The following GPC2 variants were observed in gnomAD, a reference collection of about 807,000 sequenced individuals.
GPC2 encodes the protein glypican 2, also known as glypican-2.
A neutral mutation model predicts 57.3 loss-of-function variants in GPC2; 42 were observed. The ratio of observed to expected loss-of-function variants is 0.73; its 90% CI spans 0.57 to 0.95. The LOEUF (loss-of-function observed/expected upper bound fraction) is 0.95, where lower values mean the gene tolerates loss of function less well. Ranked by LOEUF, GPC2 falls within the 40% of genes least tolerant of loss-of-function variation. The probability of loss-of-function intolerance (pLI) is 0.00; values close to 1 mark genes in which losing one functional copy is unlikely to be tolerated. For missense variants in GPC2, 745 were observed against 793.6 expected, an observed-to-expected ratio of 0.94 and a Z score of 0.74; for synonymous variants, 364 against 343.4, an observed-to-expected ratio of 1.06 and a Z score of -0.66.
chr7:100,173,961 G>A lies in GPC2; in HGVS notation c.766C>T (p.Arg256Cys). Residue 256 changes from arginine (R) to cysteine (C), a missense_variant, in exon 5 of 10, where the codon CGT becomes TGT. Around this residue, in one of 2 missense-constraint regions of GPC2, gnomAD observed 607 missense variants for 603.9 expected, o/e 1.01. Transcript: ENST00000292377. ...VSEGCSQALM[R>C]LIGCPLCRGV... ...CGGCACAGGGGACAGCCGATGAGAC[G>A]CATCAGAGCCTGGCTGCAGCCTTCA... 1.9e-6 allele frequency: 3 copies of A among 1,596,870 alleles called. No homozygotes were observed. The highest frequency in any genetic ancestry group is 2.6e-6 in the Non-Finnish European group (3 of 1,171,988).
At chr7:100,172,816 TAC>T (rs1799207968) in intron 5 of GPC2, among the ~76,000 whole-genome samples, 2 of 149,254 alleles carry the variant, frequency 1.3e-5, no homozygotes, top group South Asian at 4.2e-4. Flanking sequence ...TGTATATATA[TAC>T]GTGTATATAT....
chr7:100,171,283 G>A lies in GPC2; in HGVS notation c.1464C>T (p.His488=), dbSNP rs1162012574. 3.9e-6 allele frequency: 6 copies of A among 1,535,808 alleles called. No individual in the cohort carries two copies. Among genetic ancestry groups the A allele is most frequent in the Admixed American group, 2.0e-5 (1 of 50,250 alleles). Residue 488 remains histidine (H), a synonymous_variant, in exon 9 of 10, where the codon CAC becomes CAT. Coordinates refer to ENST00000292377, the MANE Select transcript of GPC2 (RefSeq NM_152742.3). The surrounding 1 kb of genome is among the most constrained non-coding windows in gnomAD (Gnocchi z 4.8). ...TARMKTAALG[H]DLDGQDADED... The stretch of plus-strand genomic sequence containing the variant: ...CACCCGCGTCCTGCCCGTCCAGGTC[G>A]TGTCCCAGTGCGGCCGTTTTCATTC...
intron 5 of GPC2, 151 bp downstream of exon 5, chr7:100,173,684 C>CTTTA (rs2116985740): frequency 2.1e-6 from 1 of 477,114 alleles, no homozygotes; most frequent in East Asian, 3.2e-5. Context: ...CTCTCTCTCT[C>CTTTA]TTTCTTTCTT....
Position 100,175,683 on chromosome 7 carries a change from G to A in GPC2, c.537C>T (p.His179=), listed in dbSNP as rs1420810966. The A allele has an allele frequency of 7.4e-6, 12 of 1,614,140 alleles. No homozygotes were observed. The highest frequency in any genetic ancestry group is 1.7e-5 in the Admixed American group (1 of 60,018). Residue 179 remains histidine, a synonymous_variant, in exon 3 of 10, where the codon CAC becomes CAT. Transcript: ENST00000292377. The part of the protein sequence containing the change: ...QLLERVFPLL[H]PQYSFPPDYL... ...AGTCAGGGGGGAAGCTGTACTGTGGGTGCAGCAGCGGGAACACTCTCTCCA... is the reference window on the plus strand; with the variant it reads ...AGTCAGGGGGGAAGCTGTACTGTGGATGCAGCAGCGGGAACACTCTCTCCA...
intron 5 of GPC2, chr7:100,173,624 C>G: frequency 2.1e-5 from 8 of 377,746 alleles, no homozygotes; most frequent in Non-Finnish European, 3.3e-5. Context: ...TTCTTTCTTT[C>G]CTTCCTTCTT....
chr7:100,173,443 CT>C (rs56196002), intron 5 of GPC2: 7,635 of 141,676 alleles, frequency 0.054, 235 homozygotes, highest in South Asian at 0.11. Context: ...TAATTTCTTT[CT>C]TTTTTTTTTT....
Position 100,171,347 on chromosome 7 carries a change from G to T in GPC2, c.1400C>A (p.Thr467Lys). 6.5e-7 allele frequency: 1 copy of T among 1,546,742 alleles called. No individual in the cohort carries two copies. The highest frequency in any genetic ancestry group is 8.7e-7 in the Non-Finnish European group (1 of 1,146,260). The change falls in exon 9 of 10, where the codon ACA becomes AAA. Residue 467 changes from threonine (T) to lysine (K), a missense_variant. Physicochemically the swap from Thr to Lys is moderately conservative, Grantham distance 78. This residue lies in a region of GPC2 where 607 missense variants were observed against 603.9 expected (regional missense o/e 1.01). Transcript: ENST00000292377. The surrounding 1 kb of genome is among the most constrained non-coding windows in gnomAD (Gnocchi z 4.8). ...CCGGAGCTGTAGCCGACGCCGCCGTGTCGGGACATCGGGGCCCGAGGCGTC... is the reference window on the plus strand; with the variant it reads ...CCGGAGCTGTAGCCGACGCCGCCGTTTCGGGACATCGGGGCCCGAGGCGTC... ...KVDASGPDVP[T>K]RRRRLQLRAA...
At position 100,177,333 on chromosome 7, in the gene GPC2, A is replaced by G; in HGVS notation, c.-134T>C. 1.4e-6 allele frequency: 1 copy of G among 703,622 alleles called. No individual in the cohort carries two copies. The highest frequency in any genetic ancestry group is 2.2e-6 in the Non-Finnish European group (1 of 449,260). 43.6% of individuals were successfully genotyped at this position (703,622 alleles called of 1,614,324 possible). On this transcript the variant is annotated 5_prime_UTR_variant, in exon 1 of 10. Transcript: ENST00000292377. ...AGAGCGCTGCTCCGGAAAACTGAAT[A>G]CCGAGCACGATAGCTGGACCAGGCG...
chr7:100,171,787 G>T lies in GPC2; in HGVS notation c.1162C>A (p.His388Asn). Residue 388 changes from histidine to asparagine, a missense_variant, in exon 7 of 10, where the codon CAC becomes AAC. Physicochemically the swap from His to Asn is moderately conservative, Grantham distance 68 (BLOSUM62 1). Transcript: ENST00000292377. The surrounding 1 kb of genome is among the most constrained non-coding windows in gnomAD (Gnocchi z 4.8). Reference protein sequence around the residue: ...RPTTAAGTNLHRLVWELRERL... With the variant: ...RPTTAAGTNLNRLVWELRERL... ...TTGGTCATCCCACGCACCAGCCGGT[G>T]CAGGTTGGTGCCTGCGGCCGTCGTG... 2 of 1,565,500 alleles carry T rather than the reference G, an allele frequency of 1.3e-6. No individual in the cohort carries two copies. The highest frequency in any genetic ancestry group is 1.7e-6 in the Non-Finnish European group (2 of 1,165,004).
chr7:100,171,479 C>T lies in GPC2; in HGVS notation c.1311-43G>A. The T allele has an allele frequency of 6.7e-6, 9 of 1,350,600 alleles. No homozygotes were observed. In the South Asian group the frequency reaches 1.5e-4, roughly 22 times the overall value. The allele number at this position is 1,350,600 out of a possible 1,614,324, so 83.7% of individuals were successfully genotyped here. A position where few individuals can be genotyped will look rare whatever the true frequency, so the allele number is the denominator to read the frequency against. ...CCGAAGCGCCAGCTAGCGCGCGCGG[C>T]CCCGCCCCTCCCGGCCGCGGTCCCG... is the stretch of plus-strand genomic sequence containing the variant. On this transcript the variant is annotated intron_variant, in intron 8 of 9. Coordinates refer to ENST00000292377, the MANE Select transcript of GPC2 (RefSeq NM_152742.3). The surrounding 1 kb of genome is among the most constrained non-coding windows in gnomAD (Gnocchi z 4.8).
Position 100,173,944 on chromosome 7 carries a change from G to A in GPC2, c.783C>T (p.Pro261=). 4 of 1,602,174 alleles carry A rather than the reference G, an allele frequency of 2.5e-6. No homozygotes were observed. Among genetic ancestry groups the A allele is most frequent in the Non-Finnish European group, 3.4e-6 (4 of 1,174,664 alleles). The change falls in exon 5 of 10, where the codon CCC becomes CCT. Residue 261 remains proline (P), a synonymous_variant. Transcript: ENST00000292377. ...SQALMRLIGC[P]LCRGVPSLMP... is the part of the protein sequence containing the mutation. ...TAAGTGAGGGGACCCCCCGGCACAGGGGACAGCCGATGAGACGCATCAGAG... is the reference window on the plus strand; with the variant it reads ...TAAGTGAGGGGACCCCCCGGCACAGAGGACAGCCGATGAGACGCATCAGAG...
chr7:100,177,178 G>A lies in GPC2; in HGVS notation c.22C>T (p.Leu8=), dbSNP rs1459871133. ...GGACACAGAGGCAGCAGCAGAAGCA[G>A]GAGAGGTCGCAGCGCGGACATAACT... is the stretch of plus-strand genomic sequence containing the variant. MSALRPL[L]LLLLPLCPGP... Residue 8 remains leucine (L), a synonymous_variant, in exon 1 of 10, where the codon CTG becomes TTG. Coordinates refer to ENST00000292377, the MANE Select transcript of GPC2 (RefSeq NM_152742.3). The A allele has an allele frequency of 1.2e-6, 2 of 1,613,622 alleles. No individual in the cohort carries two copies. Among genetic ancestry groups the A allele is most frequent in the South Asian group, 2.2e-5 (2 of 90,988 alleles).
At chr7:100,174,562 G>T in intron 4 of GPC2, 123 bp downstream of exon 4, 1 of 741,616 alleles carries the variant, frequency 1.3e-6, no homozygotes, top group Non-Finnish European at 2.4e-6. Flanking sequence ...GGACACCAGG[G>T]CCTGGAGGCA....
At chr7:100,175,920 G>A (rs1406737782) in intron 2 of GPC2, 26 bp from the exon 3 acceptor site, 1 of 1,601,418 alleles carries the variant, frequency 6.2e-7, no homozygotes. Flanking sequence ...GGAACAGGTG[G>A]AAGGCAGGTC....
chr7:100,173,277 G>C (rs1463229326), intron 5 of GPC2, among the ~76,000 whole-genome samples: 1 of 151,714 alleles, frequency 6.6e-6, no homozygotes, highest in Non-Finnish European at 1.5e-5. Context: ...GCCAATTTTA[G>C]GATTTTTTTA....
rs1228786177 is a variant in GPC2, at chr7:100,171,437, C to T, written c.1311-1G>A. 1 of 1,447,544 alleles carries T rather than the reference C, an allele frequency of 6.9e-7. No individual in the cohort carries two copies. The highest frequency in any genetic ancestry group is 9.1e-7 in the Non-Finnish European group (1 of 1,102,826). The allele number at this position is 1,447,544 out of a possible 1,614,324, so 89.7% of individuals were successfully genotyped here. A position where few individuals can be genotyped will look rare whatever the true frequency, so the allele number is the denominator to read the frequency against. On this transcript the variant is annotated splice_acceptor_variant, in intron 8 of 9. Transcript: ENST00000292377. LOFTEE classifies it high-confidence loss of function. This position sits in a 1 kb window ranked among gnomAD's most constrained non-coding sequence, Gnocchi z 4.8. Reference sequence around the variant, plus strand: ...GCCCCCGACCACTGGCGGCAAGTACCTGCGAGCAGAGCAGCCCCGAAGCGC... The same window carrying T: ...GCCCCCGACCACTGGCGGCAAGTACTTGCGAGCAGAGCAGCCCCGAAGCGC...
In GPC2 at chr7:100,171,525, C is replaced by G; in HGVS notation, c.1310+14G>C. The stretch of plus-strand genomic sequence containing the variant: ...TCCCGCCCCCTGCTGCCCCCCGACG[C>G]CCCCGAGGCTCACCGGCCCCGCCCG... On this transcript the variant is annotated intron_variant, in intron 8 of 9. Transcript: ENST00000292377. This position sits in a 1 kb window ranked among gnomAD's most constrained non-coding sequence, Gnocchi z 4.8. The G allele has an allele frequency of 7.2e-7, 1 of 1,398,384 alleles. No individual in the cohort carries two copies. The highest frequency in any genetic ancestry group is 9.2e-7 in the Non-Finnish European group (1 of 1,084,114). 86.6% of individuals were successfully genotyped at this position (1,398,384 alleles called of 1,614,324 possible).
intron 4 of GPC2, 118 bp from the exon 5 acceptor site, chr7:100,174,115 C>A (rs1376940180): frequency 6.8e-6 from 6 of 878,614 alleles, no homozygotes; most frequent in Non-Finnish European, 1.0e-5. Flanking sequence ...GTTGGTGACC[C>A]CACGTGGCAG....
intron 4 of GPC2, 47 bp downstream of exon 4, chr7:100,174,638 C>A: frequency 7.1e-7 from 1 of 1,412,488 alleles, no homozygotes; most frequent in Non-Finnish European, 1.0e-6. Flanking sequence ...TCTCTCACTT[C>A]CACCTCTCCC....
Sources: gnomAD v4.1 joint callset for allele counts (sites outside exome capture counted in the v4.1 genomes callset) on GRCh38, gnomAD v4.1.1 for gene constraint, gnomAD v4.1.1 regional missense constraint, Gnocchi (gnomAD v3.1) non-coding constraint, MANE v1.5 for transcripts, NCBI Gene and HGNC (gene_info 2026-07-23, HGNC 2026-07-21) for gene names.